CAMSAP2: variants seen among roughly 807,000 people sequenced by gnomAD.
CAMSAP2 encodes calmodulin regulated spectrin associated protein family member 2.
In CAMSAP2, 26 loss-of-function variants were observed where a neutral mutation model predicts 146.1. The observed-to-expected ratio is 0.18, with a 90% CI of 0.13 to 0.25. The LOEUF (loss-of-function observed/expected upper bound fraction) is 0.25. CAMSAP2 is among the 10% of genes least tolerant of loss of function. CAMSAP2 has a pLI of 1.00. For synonymous variants in CAMSAP2, 499 were observed against 596.6 expected (o/e 0.84, Z 2.38); for missense variants, 1,381 against 1,759.3 (o/e 0.78, Z 3.85).
intron 2 of CAMSAP2, among the ~76,000 whole-genome samples, chr1:200,770,569 A>T (rs1177908025): frequency 6.6e-6 from 1 of 151,950 alleles, no homozygotes; most frequent in Non-Finnish European, 1.5e-5. Context: ...GCCCGCCACC[A>T]CACCCAGCTA....
At chr1:200,753,391 A>G (rs1326049237) in intron 1 of CAMSAP2, among the ~76,000 whole-genome samples, 1 of 151,878 alleles carries the variant, frequency 6.6e-6, no homozygotes, top group East Asian at 1.9e-4. Context: ...CTCTTGCCAA[A>G]CTTTTGCCTG....
chr1:200,756,205 C>T (rs897784771), intron 1 of CAMSAP2, among the ~76,000 whole-genome samples: 1 of 152,308 alleles, frequency 6.6e-6, no homozygotes, highest in Non-Finnish European at 1.5e-5. Context: ...GTAATCCCAG[C>T]ACTTTGGGAG....
At chr1:200,788,276 T>C (rs1205324975) in intron 2 of CAMSAP2, among the ~76,000 whole-genome samples, 1 of 152,254 alleles carries the variant, frequency 6.6e-6, no homozygotes, top group Admixed American at 6.5e-5. Context: ...AAAATTCATA[T>C]ATCAACTGAA....
At chr1:200,770,264 C>T (rs1016523812) in intron 2 of CAMSAP2, among the ~76,000 whole-genome samples, 2 of 152,128 alleles carry the variant, frequency 1.3e-5, no homozygotes, top group African/African-American at 4.8e-5. Context: ...TGATCTATAA[C>T]TGACTCCAAA....
chr1:200,757,328 C>T (rs565122075), intron 1 of CAMSAP2, among the ~76,000 whole-genome samples: 4 of 152,322 alleles, frequency 2.6e-5, no homozygotes, highest in African/African-American at 4.8e-5. Flanking sequence ...TCTGCTCCCT[C>T]TACCTGTACC....
chr1:200,784,251 C>T (rs959257823), intron 2 of CAMSAP2, among the ~76,000 whole-genome samples: 6 of 151,376 alleles, frequency 4.0e-5, no homozygotes, highest in Non-Finnish European at 8.8e-5. Flanking sequence ...AAATTGTTTT[C>T]GTTATTCTAG....
chr1:200,819,053 A>G (rs180939741), intron 4 of CAMSAP2, among the ~76,000 whole-genome samples: 26 of 152,306 alleles, frequency 1.7e-4, no homozygotes, highest in African/African-American at 6.3e-4. Flanking sequence ...TTATAACCAT[A>G]TTCTTGGTAA....
At chr1:200,793,042 C>T (rs1444771302) in intron 2 of CAMSAP2, among the ~76,000 whole-genome samples, 1 of 152,116 alleles carries the variant, frequency 6.6e-6, no homozygotes, top group East Asian at 1.9e-4. Flanking sequence ...AAAGAAAATG[C>T]TACCATGTGG....
chr1:200,756,425 C>T (rs1370050102), intron 1 of CAMSAP2, among the ~76,000 whole-genome samples: 1 of 151,558 alleles, frequency 6.6e-6, no homozygotes, highest in Non-Finnish European at 1.5e-5. Flanking sequence ...TGCACTCCAG[C>T]CTGGGCGACA....
At chr1:200,855,896 T>G in intron 14 of CAMSAP2, 114 bp from the exon 15 acceptor site, 6 of 695,762 alleles carry the variant, frequency 8.6e-6, no homozygotes, top group South Asian at 1.9e-5. Flanking sequence ...CGCCCGGCCT[T>G]ATCATATTAT....
chr1:200,817,183 C>CACACATATAAGTGTGTGTGTAT (rs1666600984), intron 4 of CAMSAP2, among the ~76,000 whole-genome samples: 11 of 66,314 alleles, frequency 1.7e-4, no homozygotes, highest in Admixed American at 3.1e-4. Flanking sequence ...TATATACACA[C>CACACATATAAGTGTGTGTGTAT]ACACACATGT....
chr1:200,815,697 C>A, intron 4 of CAMSAP2, 53 bp downstream of exon 4: 1 of 867,346 alleles, frequency 1.2e-6, no homozygotes, highest in Non-Finnish European at 1.7e-6. Flanking sequence ...TATATGTTCA[C>A]ATATTTGTAT....
rs540847853 is a variant in CAMSAP2, at chr1:200,739,620, A to AGCGGCGGCGGCGGCG, written c.-199_-185dup. ...GCGCCGCCACATTCCTATGCCCGGG[A>AGCGGCGGCGGCGGCG]GCGGCGGCGGCGGCGGCGGCGGCTC... On this transcript the variant is annotated 5_prime_UTR_variant, in exon 1 of 17. Transcript: ENST00000358823. This position sits in a 1 kb window ranked among gnomAD's most constrained non-coding sequence, Gnocchi z 4.8. The AGCGGCGGCGGCGGCG allele has an allele frequency of 9.9e-6, 3 of 304,308 alleles. No homozygotes were observed. Among genetic ancestry groups the AGCGGCGGCGGCGGCG allele is most frequent in the African/African-American group, 6.8e-5 (3 of 44,196 alleles). The allele number at this position is 304,308 out of a possible 1,614,324, so 18.9% of individuals were successfully genotyped here. A position where few individuals can be genotyped will look rare whatever the true frequency, so the allele number is the denominator to read the frequency against.
At chr1:200,790,976 C>G (rs186076304) in intron 2 of CAMSAP2, among the ~76,000 whole-genome samples, 1 of 152,246 alleles carries the variant, frequency 6.6e-6, no homozygotes, top group Admixed American at 6.5e-5. Context: ...TCCCAAATAG[C>G]TGGGATTACA....
chr1:200,823,055 C>T (rs1164300516), intron 4 of CAMSAP2, among the ~76,000 whole-genome samples: 1 of 152,034 alleles, frequency 6.6e-6, no homozygotes, highest in Non-Finnish European at 1.5e-5. Context: ...TGAAAGCTTC[C>T]CCTCATCCTA....
chr1:200,854,790 G>T, intron 13 of CAMSAP2, 27 bp from the exon 14 acceptor site: 2 of 1,585,752 alleles, frequency 1.3e-6, no homozygotes, highest in African/African-American at 1.3e-5. Flanking sequence ...TTTTATTCAG[G>T]ATCATGAATT....
intron 1 of CAMSAP2, among the ~76,000 whole-genome samples, chr1:200,752,456 AAATTCAT>A (rs1262872114): frequency 2.6e-5 from 4 of 152,206 alleles, no homozygotes; most frequent in Non-Finnish European, 5.9e-5. Flanking sequence ...TCACTTAGTA[AAATTCAT>A]AATTCATAAG....
At chr1:200,801,097 CT>C (rs1383212747) in intron 2 of CAMSAP2, among the ~76,000 whole-genome samples, 8 of 152,088 alleles carry the variant, frequency 5.3e-5, no homozygotes, top group Non-Finnish European at 1.0e-4. Context: ...AACCCCTTCT[CT>C]ACTAAAAATA....
intron 1 of CAMSAP2, among the ~76,000 whole-genome samples, chr1:200,754,100 ATGTC>A (rs989532926): frequency 4.1e-4 from 63 of 152,314 alleles, no homozygotes; most frequent in African/African-American, 1.5e-3. Flanking sequence ...TACCTGCAAA[ATGTC>A]TGAGCATTAT....
Sources: allele counts gnomAD v4.1 joint callset (sites outside exome capture counted in the v4.1 genomes callset), GRCh38; gene constraint gnomAD v4.1.1; non-coding constraint Gnocchi (gnomAD v3.1); transcripts MANE v1.5; gene names NCBI Gene and HGNC (gene_info 2026-07-23, HGNC 2026-07-21).